The following ANO2 variants were observed in gnomAD, a reference collection of about 807,000 sequenced individuals.
The protein encoded by ANO2 is anoctamin-2.
A neutral mutation model predicts 124.2 loss-of-function variants in ANO2; 101 were observed. That is an observed-to-expected ratio of 0.81 (90% CI 0.69 to 0.96). The LOEUF (loss-of-function observed/expected upper bound fraction) is 0.96, where lower values mean the gene tolerates loss of function less well. ANO2 is among the 40% of genes least tolerant of loss of function. The pLI is 0.00. For synonymous variants in ANO2, 486 were observed against 482.5 expected (o/e 1.01, Z -0.09); for missense variants, 1,293 against 1,274.5 (o/e 1.01, Z -0.22).
intron 16 of ANO2, among the ~76,000 whole-genome samples, chr12:5,624,994 G>A (rs1945324695): frequency 6.6e-6 from 1 of 152,132 alleles, no homozygotes; most frequent in Non-Finnish European, 1.5e-5. Context: ...GCTGTGCAAG[G>A]AACTGGCCAG....
chr12:5,790,824 A>G (rs966055541), intron 10 of ANO2, among the ~76,000 whole-genome samples: 1 of 152,182 alleles, frequency 6.6e-6, no homozygotes, highest in South Asian at 2.1e-4. Flanking sequence ...AAAGCTCTGC[A>G]TTCAGCAGAT....
At chr12:5,734,302 G>T (rs1425092128) in intron 13 of ANO2, among the ~76,000 whole-genome samples, 1 of 152,252 alleles carries the variant, frequency 6.6e-6, no homozygotes, top group African/African-American at 2.4e-5. Context: ...ACTTAGAGAA[G>T]TATGGTTTGA....
At chr12:5,911,045 C>T (rs932434833) in intron 3 of ANO2, among the ~76,000 whole-genome samples, 1 of 152,176 alleles carries the variant, frequency 6.6e-6, no homozygotes, top group Non-Finnish European at 1.5e-5. Context: ...TGATTTCACC[C>T]AGACCTTCAC....
rs568140541 is a variant in ANO2, at chr12:5,645,764, T to C, written c.1620+1963A>G. ...TCTCTTTATTGCCCTTGAAAAATTC[T>C]TTTGGGTGATTTTTTGAGGCCTGGC... is the stretch of plus-strand genomic sequence containing the variant. On this transcript the variant is annotated intron_variant, in intron 15 of 24. Transcript: ENST00000682330. Among the ~76,000 whole-genome samples the C allele has an allele frequency of 1.3e-4, 20 of 152,304 alleles. 1 individual carries two copies. In the South Asian group the frequency reaches 4.1e-3, roughly 32 times the overall value.
At chr12:5,839,833 C>T (rs1322644852) in intron 4 of ANO2, among the ~76,000 whole-genome samples, 1 of 152,144 alleles carries the variant, frequency 6.6e-6, no homozygotes, top group Non-Finnish European at 1.5e-5. Flanking sequence ...TGGGAATGGC[C>T]ACAGTCAGTG....
intron 15 of ANO2, among the ~76,000 whole-genome samples, chr12:5,641,589 C>G (rs2136948347): frequency 6.6e-6 from 1 of 152,316 alleles, no homozygotes; most frequent in Middle Eastern, 3.4e-3. Context: ...CGAGCTTGAG[C>G]ACCTGACTGT....
At chr12:5,814,798 A>G (rs2137188524) in intron 7 of ANO2, among the ~76,000 whole-genome samples, 1 of 152,364 alleles carries the variant, frequency 6.6e-6, no homozygotes, top group East Asian at 1.9e-4. Context: ...TTTTCCAATA[A>G]CTTTATCCAT....
chr12:5,852,509 G>A (rs189721930), intron 4 of ANO2, among the ~76,000 whole-genome samples: 136 of 152,276 alleles, frequency 8.9e-4, no homozygotes, highest in African/African-American at 3.1e-3. Context: ...TATAAGAACA[G>A]AACCCATAGA....
At chr12:5,713,309 TCATTTAACAAGAATGAAC>T (rs1448429257) in intron 14 of ANO2, among the ~76,000 whole-genome samples, 13 of 152,194 alleles carry the variant, frequency 8.5e-5, no homozygotes, top group Middle Eastern at 3.2e-3. Context: ...AAAAGTGGTG[TCATTTAACAAGAATGAAC>T]CACATGCATT....
At chr12:5,739,976 T>C (rs1046894198) in intron 12 of ANO2, 8 of 455,904 alleles carry the variant, frequency 1.8e-5, no homozygotes, top group African/African-American at 1.4e-4. Context: ...TGTAAAGTAG[T>C]ATGCATTCAT....
At chr12:5,626,450 G>C (rs879775863) in intron 16 of ANO2, among the ~76,000 whole-genome samples, 12 of 152,174 alleles carry the variant, frequency 7.9e-5, no homozygotes, top group Non-Finnish European at 1.6e-4. Flanking sequence ...CTGGAGTACG[G>C]AGGGGCCACC....
At chr12:5,706,314 T>G (rs1021453443) in intron 14 of ANO2, among the ~76,000 whole-genome samples, 4 of 152,156 alleles carry the variant, frequency 2.6e-5, no homozygotes, top group Non-Finnish European at 5.9e-5. Flanking sequence ...TACATGACCC[T>G]GTCTCCAGCT....
chr12:5,649,621 T>G (rs1166299573), intron 14 of ANO2, among the ~76,000 whole-genome samples: 1 of 151,836 alleles, frequency 6.6e-6, no homozygotes, highest in Non-Finnish European at 1.5e-5. Flanking sequence ...TTTTGGGGGG[T>G]GGGGATGGAG....
At chr12:5,820,052 G>T (rs562201587) in intron 7 of ANO2, among the ~76,000 whole-genome samples, 194 of 152,250 alleles carry the variant, frequency 1.3e-3, no homozygotes, top group Non-Finnish European at 2.3e-3. Flanking sequence ...AGGTCAAATG[G>T]ACAAAAGACT....
intron 15 of ANO2, among the ~76,000 whole-genome samples, chr12:5,639,752 T>C (rs365131): frequency 0.087 from 13,224 of 152,046 alleles, 1,245 homozygotes; most frequent in African/African-American, 0.22. Flanking sequence ...CCTCAGGAGA[T>C]GGGAAGCCAT....
At chr12:5,898,254 G>A (rs1939932609) in intron 3 of ANO2, among the ~76,000 whole-genome samples, 1 of 152,150 alleles carries the variant, frequency 6.6e-6, no homozygotes, top group Non-Finnish European at 1.5e-5. Context: ...TTAAGTGTTG[G>A]TAGGATGTAG....
chr12:5,783,461 C>T (rs184435316), intron 10 of ANO2, among the ~76,000 whole-genome samples: 14 of 152,196 alleles, frequency 9.2e-5, no homozygotes, highest in Middle Eastern at 3.4e-3. Flanking sequence ...CCTAGGGGAA[C>T]GGGGAACAGA....
At chr12:5,715,885 T>A (rs1243343549) in intron 14 of ANO2, among the ~76,000 whole-genome samples, 4 of 152,196 alleles carry the variant, frequency 2.6e-5, no homozygotes, top group Non-Finnish European at 5.9e-5. Flanking sequence ...CACAAGTATG[T>A]TCGTGACATG....
rs545670008 is a variant in ANO2 at position 5,674,295 on chromosome 12, C to A, written c.1546-26494G>T. On this transcript the variant is annotated intron_variant, in intron 14 of 24. Transcript: ENST00000682330. ...ATGGGATGGTAACTTCCTACATTAA[C>A]CTGCAAGGTATCCACCTTTTCCAGG... is the stretch of plus-strand genomic sequence containing the variant. Among the ~76,000 whole-genome samples, 354 of 152,206 alleles carry A rather than the reference C, an allele frequency of 2.3e-3. 3 individuals are homozygous for A. Among genetic ancestry groups the A allele is most frequent in the African/African-American group, 8.2e-3 (341 of 41,552 alleles).
Sources: allele counts gnomAD v4.1 joint callset (sites outside exome capture counted in the v4.1 genomes callset), GRCh38; gene constraint gnomAD v4.1.1; transcripts MANE v1.5; gene names NCBI Gene and HGNC (gene_info 2026-07-23, HGNC 2026-07-21).